Variants in PNPT1 observed in about 807,000 individuals in gnomAD.
The protein encoded by PNPT1 is polyribonucleotide nucleotidyltransferase 1.
A neutral mutation model predicts 119.5 loss-of-function variants in PNPT1; 53 were observed. The observed-to-expected ratio is 0.44, with a 90% confidence interval of 0.36 to 0.56. PNPT1 has a LOEUF of 0.56. Among genes scored for constraint, PNPT1 ranks in the 20% least tolerant of loss-of-function variants. The pLI is 0.00. For synonymous variants in PNPT1, 357 were observed against 322.1 expected (o/e 1.11, Z -1.16); for missense variants, 948 against 938.5 (o/e 1.01, Z -0.13).
chr2:55,661,391 G>A (rs967367713), intron 14 of PNPT1, among the ~76,000 whole-genome samples: 2 of 151,882 alleles, frequency 1.3e-5, no homozygotes, highest in South Asian at 4.1e-4. Context: ...CACCACGCCC[G>A]GCCTGCAATA....
rs1347016520 is a variant in PNPT1 at position 55,647,360 on chromosome 2, A to C, written c.1589T>G (p.Leu530Arg). Residue 530 changes from leucine to arginine, a missense_variant, in exon 19 of 28, where the codon CTG (leucine) becomes CGG (arginine). Transcript: ENST00000447944. Reference sequence around the variant, plus strand: ...GAATATACTTGCCAAAATATCTGTCAGCAAACGATAATCTTCTATTTCACC... The same window carrying C: ...GAATATACTTGCCAAAATATCTGTCCGCAAACGATAATCTTCTATTTCACC... Reference protein sequence around the residue: ...EKGEIEDYRLLTDILGIEDYN... With the variant: ...EKGEIEDYRLRTDILGIEDYN... 6.2e-7 allele frequency: 1 copy of C among 1,606,268 alleles called. No individual in the cohort carries two copies. Among genetic ancestry groups the C allele is most frequent in the Non-Finnish European group, 8.5e-7 (1 of 1,175,862 alleles).
intron 26 of PNPT1, among the ~76,000 whole-genome samples, chr2:55,638,902 G>A (rs1473589607): frequency 2.0e-5 from 3 of 151,914 alleles, no homozygotes; most frequent in Non-Finnish European, 4.4e-5. Context: ...AGCCTCCAGA[G>A]TAGCTGGGAT....
At chr2:55,658,540 T>C (rs1342393879) in intron 15 of PNPT1, among the ~76,000 whole-genome samples, 1 of 152,156 alleles carries the variant, frequency 6.6e-6, no homozygotes, top group South Asian at 2.1e-4. Flanking sequence ...TATTTTATAA[T>C]AAAGAGATTC....
At chr2:55,681,690 C>G (rs906059733) in intron 5 of PNPT1, among the ~76,000 whole-genome samples, 8 of 151,566 alleles carry the variant, frequency 5.3e-5, no homozygotes, top group African/African-American at 1.7e-4. Context: ...ACTAAAAATA[C>G]AAAAATTAGC....
intron 8 of PNPT1, among the ~76,000 whole-genome samples, chr2:55,677,696 A>G (rs1421042716): frequency 6.7e-6 from 1 of 148,534 alleles, no homozygotes; most frequent in African/African-American, 2.5e-5. Context: ...TAGTGGCTAT[A>G]TGACCAATTA....
intron 18 of PNPT1, among the ~76,000 whole-genome samples, chr2:55,650,081 G>A (rs1696123242): frequency 6.6e-6 from 1 of 150,858 alleles, no homozygotes; most frequent in South Asian, 2.1e-4. Context: ...TTATGTTGGG[G>A]AAAGAAGGAT....
At position 55,635,736 on chromosome 2, in the gene PNPT1, T is replaced by C. The variant is rs1463461438; in HGVS notation, c.*501A>G. ...TCAGATTAGCTCCCTCAACTCACTA[T>C]ATCTGTTAACAGTTCTGAAGAAATA... On this transcript the variant is annotated 3_prime_UTR_variant, in exon 28 of 28. Coordinates refer to ENST00000447944, the MANE Select transcript of PNPT1 (RefSeq NM_033109.5). 1 of 152,284 alleles carries C rather than the reference T, an allele frequency of 6.6e-6. No individual in the cohort carries two copies. The highest frequency in any genetic ancestry group is 1.9e-4 in the East Asian group (1 of 5,204). 9.4% of individuals were successfully genotyped at this position (152,284 alleles called of 1,614,324 possible). A position where few individuals can be genotyped will look rare whatever the true frequency, so the allele number is the denominator to read the frequency against.
At chr2:55,650,487 T>G (rs575364917) in intron 18 of PNPT1, among the ~76,000 whole-genome samples, 5 of 152,236 alleles carry the variant, frequency 3.3e-5, no homozygotes, top group South Asian at 2.1e-4. Flanking sequence ...TGATCTCAGC[T>G]CGCTACAACC....
intron 19 of PNPT1, 71 bp downstream of exon 19, chr2:55,647,276 T>A: frequency 7.9e-7 from 1 of 1,272,788 alleles, no homozygotes; most frequent in East Asian, 2.6e-5. Flanking sequence ...TTATTTGTTT[T>A]TATCTTTTAA....
intron 8 of PNPT1, among the ~76,000 whole-genome samples, chr2:55,673,594 G>A (rs1043206117): frequency 2.0e-5 from 3 of 151,742 alleles, no homozygotes; most frequent in Non-Finnish European, 4.4e-5. Context: ...GACTACAGGC[G>A]CCCGCCACCA....
At chr2:55,646,045 C>G (rs1001489451) in intron 21 of PNPT1, among the ~76,000 whole-genome samples, 2 of 152,106 alleles carry the variant, frequency 1.3e-5, no homozygotes, top group Non-Finnish European at 2.9e-5. Context: ...CCAGGCTGGT[C>G]TCGAACTCCT....
At chr2:55,651,793 A>T (rs895196202) in intron 18 of PNPT1, among the ~76,000 whole-genome samples, 32 of 145,866 alleles carry the variant, frequency 2.2e-4, no homozygotes, top group Middle Eastern at 3.5e-3. Context: ...AAAAAAATTA[A>T]AAAAAAAAAA....
At chr2:55,667,460 G>C (rs536848850) in intron 12 of PNPT1, among the ~76,000 whole-genome samples, 102 of 152,184 alleles carry the variant, frequency 6.7e-4, no homozygotes, top group African/African-American at 2.4e-3. Context: ...TGGGCATGGT[G>C]GTGGGCACCT....
At chr2:55,669,761 A>ATTTT (rs1559103080) in intron 11 of PNPT1, among the ~76,000 whole-genome samples, 1 of 147,128 alleles carries the variant, frequency 6.8e-6, no homozygotes, top group Non-Finnish European at 1.5e-5. Flanking sequence ...TGCTAACAGC[A>ATTTT]CTTTTTTTTT....
intron 18 of PNPT1, among the ~76,000 whole-genome samples, chr2:55,650,944 T>TG (rs1472525523): frequency 2.3e-3 from 297 of 127,978 alleles, no homozygotes; most frequent in Non-Finnish European, 3.5e-3. Context: ...GGGAGGGAGG[T>TG]GGGGGGATCA....
intron 8 of PNPT1, among the ~76,000 whole-genome samples, chr2:55,679,444 T>C (rs1157817881): frequency 2.6e-5 from 4 of 152,112 alleles, no homozygotes; most frequent in African/African-American, 9.7e-5. Flanking sequence ...AGTCTAAAAA[T>C]AATTACTGAA....
intron 18 of PNPT1, among the ~76,000 whole-genome samples, chr2:55,651,331 A>G (rs1696190999): frequency 6.6e-6 from 1 of 152,142 alleles, no homozygotes; most frequent in Admixed American, 6.5e-5. Context: ...GTGGAATAGA[A>G]AGGGGGGAAA....
intron 7 of PNPT1, among the ~76,000 whole-genome samples, chr2:55,680,287 A>G (rs1455237864): frequency 2.0e-5 from 3 of 152,166 alleles, no homozygotes; most frequent in Non-Finnish European, 2.9e-5. Context: ...TTGTATTGCT[A>G]GGGCCTGCTC....
At chr2:55,655,903 C>A (rs769634172) in intron 17 of PNPT1, among the ~76,000 whole-genome samples, 10 of 152,150 alleles carry the variant, frequency 6.6e-5, no homozygotes, top group Non-Finnish European at 1.0e-4. Flanking sequence ...CAAACTGGAT[C>A]TACTATAACA....
Sources: gnomAD v4.1 joint callset for allele counts (sites outside exome capture counted in the v4.1 genomes callset) on GRCh38, gnomAD v4.1.1 for gene constraint, MANE v1.5 for transcripts, NCBI Gene and HGNC (gene_info 2026-07-23, HGNC 2026-07-21) for gene names.